The following GPC5 variants were observed in gnomAD, a reference collection of about 807,000 sequenced individuals.
GPC5 encodes the protein glypican-5.
A neutral mutation model predicts 53.9 loss-of-function variants in GPC5; 47 were observed. That is an observed-to-expected ratio of 0.87 (90% CI 0.69 to 1.11). The LOEUF (loss-of-function observed/expected upper bound fraction) is 1.11, where lower values mean the gene tolerates loss of function less well. Among genes scored for constraint, GPC5 ranks in the 50% most tolerant of loss-of-function variants. The pLI is 0.00. For missense variants in GPC5, 748 were observed against 713.1 expected, an observed-to-expected ratio of 1.05 and a Z score of -0.56; for synonymous variants, 286 against 263.3, an observed-to-expected ratio of 1.09 and a Z score of -0.84.
chr13:92,849,991 G>C (rs1878738345), intron 7 of GPC5, among the ~76,000 whole-genome samples: 1 of 152,154 alleles, frequency 6.6e-6, no homozygotes, highest in Non-Finnish European at 1.5e-5. Flanking sequence ...TAGCCAGAGA[G>C]TCATGACAAA....
At chr13:91,931,707 A>C (rs1471393167) in intron 6 of GPC5, among the ~76,000 whole-genome samples, 1 of 152,014 alleles carries the variant, frequency 6.6e-6, no homozygotes, top group African/African-American at 2.4e-5. Context: ...CCTTCAAAGT[A>C]CTGGAAGCGG....
chr13:91,625,216 T>TA lies in GPC5; in HGVS notation c.326-67959dup, dbSNP rs67229570. On this transcript the variant is annotated intron_variant, in intron 2 of 7. Transcript: ENST00000377067. ...ACATAAGGAAACACTACATGCAACA[T>TA]AAAAAAAAAAAATCAATAACACTCC... Among the ~76,000 whole-genome samples the TA allele has an allele frequency of 2.8e-3, 400 of 143,132 alleles. 2 individuals carry two copies. The highest frequency in any genetic ancestry group is 0.012 in the South Asian group (55 of 4,546). 93.9% of individuals were successfully genotyped at this position (143,132 alleles called of 152,430 possible). A position where few individuals can be genotyped will look rare whatever the true frequency, so the allele number is the denominator to read the frequency against.
In GPC5 at chr13:92,694,380, C is replaced by T. The variant is rs1016995773; in HGVS notation, c.1562-171902C>T. ...AAAGCCTCAGGTGCTCATTGCCAGC[C>T]TGTGAAAGCAGCTGCAGGGGCTGTA... is the stretch of plus-strand genomic sequence containing the variant. On this transcript the variant is annotated intron_variant, in intron 7 of 7. Coordinates refer to ENST00000377067, the MANE Select transcript of GPC5 (RefSeq NM_004466.6). Among the ~76,000 whole-genome samples the T allele has an allele frequency of 2.0e-5, 3 of 152,174 alleles. No individual in the cohort carries two copies. In the East Asian group the frequency reaches 5.8e-4, roughly 29 times the overall value.
chr13:91,593,081 G>A (rs1006285159), intron 2 of GPC5, among the ~76,000 whole-genome samples: 3 of 152,208 alleles, frequency 2.0e-5, no homozygotes, highest in Non-Finnish European at 4.4e-5. Context: ...CAGCCTAGAT[G>A]TCCATGGGGG....
At chr13:91,444,734 C>A (rs77946985) in intron 1 of GPC5, among the ~76,000 whole-genome samples, 1 of 152,064 alleles carries the variant, frequency 6.6e-6, no homozygotes, top group African/African-American at 2.4e-5. Flanking sequence ...TGGAAAGGAG[C>A]CCTGCTGAAC....
chr13:92,411,187 T>C (rs547374241), intron 7 of GPC5, among the ~76,000 whole-genome samples: 12 of 152,266 alleles, frequency 7.9e-5, no homozygotes, highest in Admixed American at 5.9e-4. Context: ...AGAGAATCAC[T>C]TGAGCCTGGG....
At position 92,850,397 on chromosome 13, in the gene GPC5, C is replaced by T. The variant is rs191387188; in HGVS notation, c.1562-15885C>T. Among the ~76,000 whole-genome samples the T allele has an allele frequency of 1.0e-3, 157 of 152,154 alleles. 1 individual carries two copies. The highest frequency in any genetic ancestry group is 1.8e-3 in the Non-Finnish European group (119 of 67,990). ...GGCGAATGACTTGAGGTCAGGAGCT[C>T]GAGACCAGCATGGCCAACATGGTGA... On this transcript the variant is annotated intron_variant, in intron 7 of 7. Transcript: ENST00000377067.
chr13:92,589,399 A>G (rs1012530539), intron 7 of GPC5, among the ~76,000 whole-genome samples: 4 of 152,170 alleles, frequency 2.6e-5, no homozygotes, highest in Admixed American at 2.0e-4. Flanking sequence ...GAGGCTAGAG[A>G]CAATATTCTC....
At chr13:92,388,832 A>G (rs1874862168) in intron 7 of GPC5, among the ~76,000 whole-genome samples, 2 of 152,148 alleles carry the variant, frequency 1.3e-5, no homozygotes, top group African/African-American at 4.8e-5. Context: ...GCAGTCTTTC[A>G]TATTAGCCAG....
intron 7 of GPC5, among the ~76,000 whole-genome samples, chr13:92,289,316 T>A (rs1489450690): frequency 6.6e-6 from 1 of 152,008 alleles, no homozygotes; most frequent in Non-Finnish European, 1.5e-5. Flanking sequence ...AGCCCTTGCT[T>A]AAGTATTTCT....
intron 2 of GPC5, among the ~76,000 whole-genome samples, chr13:91,493,259 A>C (rs1268283454): frequency 6.6e-6 from 1 of 152,218 alleles, no homozygotes; most frequent in Non-Finnish European, 1.5e-5. Flanking sequence ...TACATGAAAT[A>C]TTTTGATACA....
chr13:91,448,691 G>T, intron 1 of GPC5, 70 bp from the exon 2 acceptor site: 3 of 1,504,052 alleles, frequency 2.0e-6, no homozygotes, highest in Non-Finnish European at 2.7e-6. Context: ...TGGTCATAAC[G>T]CCTGATATAT....
chr13:92,834,495 G>A (rs1878158562), intron 7 of GPC5, among the ~76,000 whole-genome samples: 1 of 152,054 alleles, frequency 6.6e-6, no homozygotes, highest in Admixed American at 6.6e-5. Flanking sequence ...AAATTATAAA[G>A]TTAGACTATA....
chr13:92,819,788 T>C (rs1877611316), intron 7 of GPC5, among the ~76,000 whole-genome samples: 1 of 152,180 alleles, frequency 6.6e-6, no homozygotes, highest in African/African-American at 2.4e-5. Context: ...GAGGAATTTT[T>C]TAATTATAAT....
At chr13:92,616,570 A>G (rs1293968768) in intron 7 of GPC5, among the ~76,000 whole-genome samples, 2 of 152,192 alleles carry the variant, frequency 1.3e-5, no homozygotes, top group South Asian at 2.1e-4. Flanking sequence ...TGTTCTTCCT[A>G]TTTTACTATA....
At chr13:91,556,816 G>T (rs955611267) in intron 2 of GPC5, among the ~76,000 whole-genome samples, 3 of 151,924 alleles carry the variant, frequency 2.0e-5, no homozygotes, top group Admixed American at 6.6e-5. Flanking sequence ...TGGGGACTCA[G>T]GGGAAAGGGT....
chr13:92,512,704 G>A (rs1481587353), intron 7 of GPC5, among the ~76,000 whole-genome samples: 3 of 152,124 alleles, frequency 2.0e-5, no homozygotes, highest in Non-Finnish European at 2.9e-5. Flanking sequence ...TTCATGCTTT[G>A]GAGATTAATG....
intron 7 of GPC5, among the ~76,000 whole-genome samples, chr13:92,591,023 T>C (rs1883695532): frequency 6.6e-6 from 1 of 152,146 alleles, no homozygotes; most frequent in South Asian, 2.1e-4. Context: ...CAACTAATGC[T>C]AAAATTTAAA....
At chr13:92,813,168 C>T (rs1054365761) in intron 7 of GPC5, among the ~76,000 whole-genome samples, 1 of 151,866 alleles carries the variant, frequency 6.6e-6, no homozygotes, top group Non-Finnish European at 1.5e-5. Context: ...GTAATTCTGG[C>T]TGGTCAGAAC....
Sources: gnomAD v4.1 joint callset for allele counts (sites outside exome capture counted in the v4.1 genomes callset) on GRCh38, gnomAD v4.1.1 for gene constraint, MANE v1.5 for transcripts, NCBI Gene and HGNC (gene_info 2026-07-23, HGNC 2026-07-21) for gene names.